The following NAALADL2 variants were observed in gnomAD, a reference collection of about 807,000 sequenced individuals.
The protein encoded by NAALADL2 is N-acetylated alpha-linked acidic dipeptidase like 2.
A neutral mutation model predicts 87.2 loss-of-function variants in NAALADL2; 76 were observed. The ratio of observed to expected loss-of-function variants is 0.87; its 90% CI spans 0.72 to 1.05. The LOEUF is 1.05. NAALADL2 is among the 50% of genes least tolerant of loss of function. The pLI, the probability that NAALADL2 is intolerant of heterozygous loss-of-function variation, is 0.00. For synonymous variants in NAALADL2, 354 were observed against 331.0 expected, an observed-to-expected ratio of 1.07 and a Z score of -0.75; for missense variants, 1,089 against 945.8, an observed-to-expected ratio of 1.15 and a Z score of -1.99.
intron 1 of NAALADL2, among the ~76,000 whole-genome samples, chr3:174,959,595 G>A (rs1490878539): frequency 6.6e-6 from 1 of 151,900 alleles, no homozygotes; most frequent in East Asian, 1.9e-4. Context: ...ATGATGATCT[G>A]GGAAAAGCAA....
intron 2 of NAALADL2, among the ~76,000 whole-genome samples, chr3:174,697,692 GC>G (rs1197187131): frequency 6.6e-6 from 1 of 151,924 alleles, no homozygotes; most frequent in African/African-American, 2.4e-5. Context: ...ATGCATCATG[GC>G]CCCTAGTTTT....
chr3:175,566,662 T>G (rs1423753308), intron 9 of NAALADL2, among the ~76,000 whole-genome samples: 1 of 152,262 alleles, frequency 6.6e-6, no homozygotes. Flanking sequence ...ACAAGGTTTT[T>G]GGGACTAAAT....
chr3:174,947,950 G>T (rs1213223497), intron 1 of NAALADL2, among the ~76,000 whole-genome samples: 1 of 151,898 alleles, frequency 6.6e-6, no homozygotes, highest in Non-Finnish European at 1.5e-5. Context: ...TACCTACATA[G>T]ATGTAAATAT....
chr3:175,625,751 A>G (rs978181207), intron 10 of NAALADL2, among the ~76,000 whole-genome samples: 1 of 151,954 alleles, frequency 6.6e-6, no homozygotes, highest in Non-Finnish European at 1.5e-5. Context: ...ATCTTGGGCT[A>G]GCGCTGGAAC....
Position 174,880,103 on chromosome 3 carries a change from C to A in NAALADL2, c.43+20653C>A, listed in dbSNP as rs144184245. Among the ~76,000 whole-genome samples, 459 of 152,150 alleles carry A rather than the reference C, an allele frequency of 3.0e-3. 2 individuals carry two copies. The highest frequency in any genetic ancestry group is 0.011 in the African/African-American group (437 of 41,500). ...CCATGATCCTCTCTGGCTTCCATTC[C>A]TCCCTTGTGACCTATCAGCTCTATA... On this transcript the variant is annotated intron_variant, in intron 1 of 13. Coordinates refer to ENST00000454872, the MANE Select transcript of NAALADL2 (RefSeq NM_207015.3).
intron 9 of NAALADL2, among the ~76,000 whole-genome samples, chr3:175,477,516 T>C (rs928975075): frequency 4.6e-5 from 7 of 152,144 alleles, no homozygotes; most frequent in Admixed American, 3.3e-4. Context: ...GCCAAATGAA[T>C]TAAAGTCCTA....
intron 3 of NAALADL2, among the ~76,000 whole-genome samples, chr3:174,780,217 C>T (rs1715769051): frequency 1.3e-5 from 2 of 151,960 alleles, no homozygotes; most frequent in Admixed American, 6.6e-5. Flanking sequence ...CTGCAAATTC[C>T]TTGTAAGTTG....
chr3:175,314,631 G>C (rs1454866519), intron 4 of NAALADL2, among the ~76,000 whole-genome samples: 1 of 77,920 alleles, frequency 1.3e-5, no homozygotes, highest in Non-Finnish European at 2.5e-5. Flanking sequence ...GTTTTGAAAA[G>C]TAAAATTAGC....
At position 175,471,819 on chromosome 3, in the gene NAALADL2, G is replaced by A. The variant is rs748982003; in HGVS notation, c.1653+61G>A. On this transcript the variant is annotated intron_variant, in intron 9 of 13. Transcript: ENST00000454872. ...AAAACCGACCTTTTCTCTATATTTT[G>A]ACATTTCTTGATTTTTTCATTTATT... 54 of 1,377,756 alleles carry A rather than the reference G, an allele frequency of 3.9e-5. No homozygotes were observed. The Middle Eastern group carries it at 1.1e-3, about 27-fold the overall frequency. 85.3% of individuals were successfully genotyped at this position (1,377,756 alleles called of 1,614,324 possible).
intron 13 of NAALADL2, among the ~76,000 whole-genome samples, chr3:175,764,925 G>A (rs559965979): frequency 1.2e-4 from 19 of 152,150 alleles, no homozygotes; most frequent in African/African-American, 3.1e-4. Flanking sequence ...CTCATGTTCC[G>A]TGTTTGATTG....
intron 2 of NAALADL2, among the ~76,000 whole-genome samples, chr3:174,691,632 C>T (rs1728593008): frequency 6.6e-6 from 1 of 152,100 alleles, no homozygotes; most frequent in Admixed American, 6.6e-5. Flanking sequence ...TCAATTTACT[C>T]TTCCTTTTAC....
At chr3:175,386,502 T>G (rs1377494757) in intron 5 of NAALADL2, among the ~76,000 whole-genome samples, 1 of 152,034 alleles carries the variant, frequency 6.6e-6, no homozygotes, top group African/African-American at 2.4e-5. Flanking sequence ...CATCTTTTTT[T>G]TTTTTCCCCT....
intron 9 of NAALADL2, among the ~76,000 whole-genome samples, chr3:175,523,097 T>C (rs1732879276): frequency 6.6e-6 from 1 of 152,214 alleles, no homozygotes; most frequent in African/African-American, 2.4e-5. Context: ...TGACAGATTC[T>C]TAATGGAATC....
At chr3:175,341,476 T>C (rs927037107) in intron 5 of NAALADL2, among the ~76,000 whole-genome samples, 3 of 152,054 alleles carry the variant, frequency 2.0e-5, no homozygotes, top group Non-Finnish European at 4.4e-5. Context: ...CACATATACG[T>C]TTTTGTGTGA....
At chr3:175,587,159 A>T (rs943194484) in intron 10 of NAALADL2, among the ~76,000 whole-genome samples, 22 of 152,328 alleles carry the variant, frequency 1.4e-4, no homozygotes, top group South Asian at 1.0e-3. Context: ...TGGATCCCAA[A>T]TATTTTTATT....
At chr3:175,728,378 C>G (rs2150054575) in intron 11 of NAALADL2, among the ~76,000 whole-genome samples, 1 of 152,284 alleles carries the variant, frequency 6.6e-6, no homozygotes, top group East Asian at 1.9e-4. Flanking sequence ...TTGTGCATTA[C>G]ACCATTTAAT....
intron 1 of NAALADL2, among the ~76,000 whole-genome samples, chr3:174,948,012 T>G (rs1392406578): frequency 5.3e-5 from 8 of 152,130 alleles, no homozygotes; most frequent in African/African-American, 1.9e-4. Flanking sequence ...TAATTAGACA[T>G]GTAACACCTT....
intron 1 of NAALADL2, among the ~76,000 whole-genome samples, chr3:174,539,267 A>G (rs1202018804): frequency 3.3e-5 from 5 of 152,292 alleles, no homozygotes; most frequent in African/African-American, 9.6e-5. Context: ...TTTCTTTTAC[A>G]CACACAGAGA....
chr3:175,665,826 G>A (rs140723456), intron 11 of NAALADL2, among the ~76,000 whole-genome samples: 2 of 152,142 alleles, frequency 1.3e-5, no homozygotes, highest in East Asian at 3.9e-4. Context: ...AGCTACTAGG[G>A]AGGCTGAGGC....
Sources: allele counts gnomAD v4.1 joint callset (sites outside exome capture counted in the v4.1 genomes callset), GRCh38; gene constraint gnomAD v4.1.1; transcripts MANE v1.5; gene names NCBI Gene and HGNC (gene_info 2026-07-23, HGNC 2026-07-21).